Variants in TPP2 observed in about 807,000 individuals in gnomAD.
TPP2 encodes the protein tripeptidyl-peptidase 2.
TPP2 carries 34 observed loss-of-function variants against 155.9 expected under a neutral mutation model. The observed-to-expected ratio is 0.22, with a 90% confidence interval of 0.17 to 0.29. TPP2 has a LOEUF of 0.29. TPP2 is among the 10% of genes least tolerant of loss of function. The pLI is 1.00. For missense variants in TPP2, 1,028 were observed against 1,522.3 expected (o/e 0.68, Z 5.40); for synonymous variants, 510 against 529.4 (o/e 0.96, Z 0.50).
intron 28 of TPP2, among the ~76,000 whole-genome samples, chr13:102,675,212 A>G (rs779116545): frequency 6.6e-6 from 1 of 152,226 alleles, no homozygotes; most frequent in Non-Finnish European, 1.5e-5. Flanking sequence ...GAACCCTGGA[A>G]GTGGGAAGAA....
At chr13:102,616,275 C>A in intron 3 of TPP2, 121 bp from the exon 4 acceptor site, 1 of 744,740 alleles carries the variant, frequency 1.3e-6, no homozygotes, top group Non-Finnish European at 2.1e-6. Context: ...TTTTTTAAAA[C>A]CTCTCTATGA....
At chr13:102,610,388 C>T (rs137977702) in intron 2 of TPP2, among the ~76,000 whole-genome samples, 12,285 of 151,940 alleles carry the variant, frequency 0.081, 676 homozygotes, top group African/African-American at 0.16. Context: ...GCCACCATGC[C>T]CGGCTAATTT....
intron 1 of TPP2, among the ~76,000 whole-genome samples, chr13:102,598,747 T>C (rs1879191513): frequency 6.6e-6 from 1 of 152,178 alleles, no homozygotes; most frequent in Non-Finnish European, 1.5e-5. Context: ...AAGTGCTGCT[T>C]GGTAGAATTT....
At chr13:102,660,032 A>G (rs1884102399) in intron 25 of TPP2, among the ~76,000 whole-genome samples, 1 of 151,682 alleles carries the variant, frequency 6.6e-6, no homozygotes, top group African/African-American at 2.4e-5. Context: ...ACAGTAATAG[A>G]TACAACAGAT....
chr13:102,648,697 C>G (rs56080420), intron 21 of TPP2, among the ~76,000 whole-genome samples: 3,044 of 152,172 alleles, frequency 0.02, 53 homozygotes, highest in Non-Finnish European at 0.026. Context: ...TGATGTTAGG[C>G]AAGTCACTTG....
intron 19 of TPP2, among the ~76,000 whole-genome samples, chr13:102,645,415 A>G (rs1883037211): frequency 6.6e-6 from 1 of 152,240 alleles, no homozygotes; most frequent in Admixed American, 6.5e-5. Context: ...TTTGTGCCTC[A>G]GCAGCTCCCC....
rs1342645309 is a variant in TPP2, at chr13:102,678,215, A to G, written c.3700-12A>G. ...TTCCTTTATAATAATATATTATTGT[A>G]TTTTGTTGTAGCTGATGAAGTTACT... is the stretch of plus-strand genomic sequence containing the variant. On this transcript the variant is annotated splice_polypyrimidine_tract_variant and intron_variant, in intron 29 of 29. Transcript: ENST00000376052. 6.2e-7 allele frequency: 1 copy of G among 1,603,032 alleles called. No individual in the cohort carries two copies. The highest frequency in any genetic ancestry group is 8.5e-7 in the Non-Finnish European group (1 of 1,175,686).
At chr13:102,603,255 G>A (rs1879567535) in intron 1 of TPP2, among the ~76,000 whole-genome samples, 1 of 152,158 alleles carries the variant, frequency 6.6e-6, no homozygotes, top group Non-Finnish European at 1.5e-5. Flanking sequence ...GTATGTTCGT[G>A]AATAAAGTAG....
rs199702252 is a variant in TPP2, at chr13:102,674,372, A to G, written c.3461A>G (p.Gln1154Arg). 1 of 1,613,854 alleles carries G rather than the reference A, an allele frequency of 6.2e-7. No homozygotes were observed. Among genetic ancestry groups the G allele is most frequent in the Non-Finnish European group, 8.5e-7 (1 of 1,179,876 alleles). Residue 1154 changes from glutamine (Q) to arginine (R), a missense_variant, in exon 28 of 30, where the codon CAA (glutamine) becomes CGA (arginine). Gln to Arg is a conservative substitution (Grantham distance 43, BLOSUM62 1). Around this residue, in one of 7 missense-constraint regions of TPP2, gnomAD observed 116 missense variants for 117.3 expected, o/e 0.99. Transcript: ENST00000376052. ...GACCATCTTCTTCACACCCAGGCTC[A>G]AGACGGAGCCATTTCCACTGATGCA... ...LADHLLHTQA[Q>R]DGAISTDAEG...
intron 3 of TPP2, among the ~76,000 whole-genome samples, chr13:102,616,101 C>CACCT (rs1310422557): frequency 2.0e-5 from 3 of 152,058 alleles, no homozygotes; most frequent in Non-Finnish European, 4.4e-5. Flanking sequence ...GGATTACAGG[C>CACCT]ACCTGCCACC....
chr13:102,642,000 G>A (rs991740359), intron 16 of TPP2, among the ~76,000 whole-genome samples: 2 of 152,190 alleles, frequency 1.3e-5, no homozygotes, highest in African/African-American at 4.8e-5. Context: ...GCAGCACAGA[G>A]TAGCGGCAAG....
At chr13:102,677,783 ATTAC>A (rs1468835192) in intron 29 of TPP2, among the ~76,000 whole-genome samples, 1 of 152,186 alleles carries the variant, frequency 6.6e-6, no homozygotes, top group African/African-American at 2.4e-5. Flanking sequence ...TAAATATCTT[ATTAC>A]TTGTTTATTC....
intron 2 of TPP2, among the ~76,000 whole-genome samples, chr13:102,610,041 T>A (rs1265209923): frequency 6.6e-6 from 1 of 152,206 alleles, no homozygotes; most frequent in East Asian, 1.9e-4. Flanking sequence ...ACATGTTCAG[T>A]TTAATTTTTT....
At chr13:102,635,838 G>A in intron 12 of TPP2, 136 bp downstream of exon 12, 1 of 698,714 alleles carries the variant, frequency 1.4e-6, no homozygotes, top group Admixed American at 3.0e-5. Context: ...AGAACTACAA[G>A]CAAAAAGGAT....
At chr13:102,635,788 C>A in intron 12 of TPP2, 86 bp downstream of exon 12, 2 of 993,018 alleles carry the variant, frequency 2.0e-6, no homozygotes, top group South Asian at 3.0e-5. Context: ...TGTTTTATAA[C>A]AGTGATTCAG....
intron 6 of TPP2, among the ~76,000 whole-genome samples, chr13:102,625,104 C>T (rs1045668912): frequency 2.8e-4 from 42 of 148,756 alleles, no homozygotes; most frequent in East Asian, 2.2e-3. Context: ...GTGATCCACC[C>T]GCCTCGGCCT....
intron 5 of TPP2, among the ~76,000 whole-genome samples, chr13:102,622,314 A>C (rs958699810): frequency 6.6e-6 from 1 of 152,198 alleles, no homozygotes; most frequent in African/African-American, 2.4e-5. Context: ...GCTATCTTCT[A>C]AAGTGTTCGG....
chr13:102,668,544 G>A (rs756259931), intron 27 of TPP2, among the ~76,000 whole-genome samples: 6 of 152,110 alleles, frequency 3.9e-5, no homozygotes, highest in Non-Finnish European at 7.3e-5. Flanking sequence ...GTGTTTCTTG[G>A]CACCTCAGTC....
At chr13:102,655,074 A>G (rs1292583308) in intron 24 of TPP2, 6 of 477,258 alleles carry the variant, frequency 1.3e-5, no homozygotes, top group Non-Finnish European at 2.1e-5. Flanking sequence ...AGTGGCTACA[A>G]ATGGATTTAT....
Sources: gnomAD v4.1 joint callset for allele counts (sites outside exome capture counted in the v4.1 genomes callset) on GRCh38, gnomAD v4.1.1 for gene constraint, gnomAD v4.1.1 regional missense constraint, MANE v1.5 for transcripts, NCBI Gene and HGNC (gene_info 2026-07-23, HGNC 2026-07-21) for gene names.